The following EPB41 variants were observed in gnomAD, a reference collection of about 807,000 sequenced individuals.
The protein encoded by EPB41 is protein 4.1.
Under a neutral mutation model 108.0 loss-of-function variants are expected in EPB41, and 65 were observed. That is an observed-to-expected ratio of 0.60 (90% CI 0.49 to 0.74). The LOEUF (loss-of-function observed/expected upper bound fraction) is 0.74. Ranked by LOEUF, EPB41 falls within the 30% of genes least tolerant of loss-of-function variation. EPB41 has a pLI of 0.00. For missense variants in EPB41, 875 were observed against 1,037.0 expected, an observed-to-expected ratio of 0.84 and a Z score of 2.15; for synonymous variants, 336 against 358.9, an observed-to-expected ratio of 0.94 and a Z score of 0.72.
intron 16 of EPB41, chr1:29,068,659 A>T: frequency 2.2e-6 from 2 of 916,850 alleles, no homozygotes; most frequent in Middle Eastern, 3.8e-4. Context: ...CTCTGGGGAT[A>T]CCTCTTCCAC....
At chr1:29,091,359 G>T (rs1661102589) in intron 16 of EPB41, among the ~76,000 whole-genome samples, 1 of 152,214 alleles carries the variant, frequency 6.6e-6, no homozygotes, top group African/African-American at 2.4e-5. Flanking sequence ...GCTAGGACTA[G>T]CATGTAGCAA....
intron 2 of EPB41, 121 bp from the exon 3 acceptor site, chr1:28,993,209 A>T: frequency 2.5e-6 from 2 of 789,708 alleles, no homozygotes; most frequent in Admixed American, 4.2e-5. Context: ...TTTAATATTA[A>T]TGTCACCTAT....
At chr1:29,062,200 A>C (rs1646683096) in intron 15 of EPB41, among the ~76,000 whole-genome samples, 1 of 152,238 alleles carries the variant, frequency 6.6e-6, no homozygotes, top group Admixed American at 6.5e-5. Flanking sequence ...GAGACTAGGA[A>C]GAATAGTGAA....
At chr1:28,908,342 C>T (rs1021052038) in intron 1 of EPB41, among the ~76,000 whole-genome samples, 3 of 149,200 alleles carry the variant, frequency 2.0e-5, no homozygotes, top group Non-Finnish European at 4.4e-5. Context: ...GCAGAGGCCG[C>T]GGCAAGCCGA....
chr1:29,080,346 C>T (rs1022662023), intron 16 of EPB41, among the ~76,000 whole-genome samples: 1 of 151,854 alleles, frequency 6.6e-6, no homozygotes, highest in African/African-American at 2.4e-5. Context: ...AAATGATCCG[C>T]CCACCTTGGC....
chr1:29,070,103 C>G (rs565001580), intron 16 of EPB41: 39 of 313,180 alleles, frequency 1.2e-4, no homozygotes, highest in African/African-American at 8.3e-4. Context: ...GAATAAATAA[C>G]ATAGCAAGGG....
chr1:29,034,651 C>T (rs569789288), intron 9 of EPB41, among the ~76,000 whole-genome samples: 2 of 152,244 alleles, frequency 1.3e-5, no homozygotes, highest in South Asian at 4.1e-4. Flanking sequence ...AAGAGGTCAG[C>T]AGGACAGTGT....
rs2090035174 is a variant in EPB41 at position 28,890,795 on chromosome 1, G to A, written c.-8+3585G>A. On this transcript the variant is annotated intron_variant, in intron 1 of 16. Coordinates refer to the EPB41 transcript ENST00000347529. ...GACCAAAGTCACAAAGCTGGGAAGT[G>A]GCCGAGCTGGGATTTGAACTTAGGT... is the stretch of plus-strand genomic sequence containing the variant. 4 of 449,006 alleles carry A rather than the reference G, an allele frequency of 8.9e-6. No individual in the cohort carries two copies. The South Asian group carries it at 3.7e-4, about 42-fold the overall frequency. 27.8% of individuals were successfully genotyped at this position (449,006 alleles called of 1,614,324 possible).
At chr1:29,093,869 C>G (rs1392243354) in intron 16 of EPB41, among the ~76,000 whole-genome samples, 1 of 152,226 alleles carries the variant, frequency 6.6e-6, no homozygotes, top group African/African-American at 2.4e-5. Context: ...CACACCACTA[C>G]ACTCCAACCT....
intron 6 of EPB41, among the ~76,000 whole-genome samples, chr1:29,017,812 T>C (rs528929372): frequency 1.3e-5 from 2 of 152,294 alleles, no homozygotes; most frequent in South Asian, 4.1e-4. Context: ...AATCTGGCAA[T>C]GATACCTACC....
chr1:29,070,382 T>A, intron 16 of EPB41: 1 of 1,232,096 alleles, frequency 8.1e-7, no homozygotes, highest in Non-Finnish European at 1.0e-6. Flanking sequence ...ACGTGCTCTG[T>A]TAGTACAGGA....
At chr1:28,953,408 C>T (rs1260355429) in intron 1 of EPB41, among the ~76,000 whole-genome samples, 1 of 152,054 alleles carries the variant, frequency 6.6e-6, no homozygotes, top group African/African-American at 2.4e-5. Flanking sequence ...TCAAGGGTTG[C>T]AGTTAATCAG....
chr1:29,000,837 T>G, intron 4 of EPB41, among the ~76,000 whole-genome samples: 1 of 152,214 alleles, frequency 6.6e-6, no homozygotes, highest in Non-Finnish European at 1.5e-5. Context: ...GTTGTTTTTT[T>G]TTTTTAATTT....
chr1:29,033,784 T>G (rs917148231), intron 9 of EPB41, among the ~76,000 whole-genome samples: 3 of 152,234 alleles, frequency 2.0e-5, no homozygotes, highest in Non-Finnish European at 4.4e-5. Flanking sequence ...ATTTAACTTT[T>G]GTATTGAAGA....
At chr1:29,001,189 G>T (rs2096286247) in intron 4 of EPB41, among the ~76,000 whole-genome samples, 2 of 152,168 alleles carry the variant, frequency 1.3e-5, no homozygotes, top group Admixed American at 6.5e-5. Flanking sequence ...AATTAGCCAG[G>T]CATGGTGGCA....
intron 4 of EPB41, among the ~76,000 whole-genome samples, chr1:29,011,415 T>TTGGA (rs895431841): frequency 9.3e-5 from 14 of 151,008 alleles, no homozygotes; most frequent in Non-Finnish European, 1.6e-4. Flanking sequence ...AAGGTCAGGG[T>TTGGA]TGGAGGGGAA....
chr1:29,046,176 G>C (rs763672141), intron 11 of EPB41, among the ~76,000 whole-genome samples: 2 of 151,330 alleles, frequency 1.3e-5, no homozygotes, highest in Non-Finnish European at 2.9e-5. Context: ...TCAGACTGGA[G>C]TGCAGTGGCA....
chr1:29,015,793 A>G lies in EPB41; in HGVS notation c.905+26A>G, dbSNP rs780062856. 116 of 1,386,318 alleles carry G rather than the reference A, an allele frequency of 8.4e-5. No individual in the cohort carries two copies. In the East Asian group the frequency reaches 2.6e-3, roughly 31 times the overall value. The allele number at this position is 1,386,318 out of a possible 1,614,324, so 85.9% of individuals were successfully genotyped here. Reference sequence around the variant, plus strand: ...GTAAATAAGTAATAGTTAAATATGTAATTTATCATATAATAATGTGTATGA... The same window carrying G: ...GTAAATAAGTAATAGTTAAATATGTGATTTATCATATAATAATGTGTATGA... On this transcript the variant is annotated intron_variant, in intron 6 of 20. Transcript: ENST00000343067.
At chr1:29,022,013 T>C (rs544715980) in intron 7 of EPB41, among the ~76,000 whole-genome samples, 1 of 152,334 alleles carries the variant, frequency 6.6e-6, no homozygotes, top group East Asian at 1.9e-4. Context: ...ACTGACAGTA[T>C]TTGTTGCTAA....
Sources: gnomAD v4.1 joint callset for allele counts (sites outside exome capture counted in the v4.1 genomes callset) on GRCh38, gnomAD v4.1.1 for gene constraint, MANE v1.5 for transcripts, NCBI Gene and HGNC (gene_info 2026-07-23, HGNC 2026-07-21) for gene names.